SMOX: variants seen among roughly 807,000 people sequenced by gnomAD.
SMOX encodes spermine oxidase, also known as flavin containing amine oxidase.
A neutral mutation model predicts 51.0 loss-of-function variants in SMOX; 22 were observed. That is an observed-to-expected ratio of 0.43 (90% CI 0.31 to 0.62). The LOEUF (loss-of-function observed/expected upper bound fraction) is 0.62, where lower values mean the gene tolerates loss of function less well. Among genes scored for constraint, SMOX ranks in the 20% least tolerant of loss-of-function variants. SMOX has a pLI of 0.10. For missense variants in SMOX, 566 were observed against 777.7 expected (o/e 0.73, Z 3.24); for synonymous variants, 282 against 307.8 (o/e 0.92, Z 0.88).
intron 6 of SMOX, chr20:4,186,675 G>C: frequency 5.2e-6 from 4 of 764,226 alleles, no homozygotes; most frequent in Non-Finnish European, 7.3e-6. Flanking sequence ...GGCGCCTTGT[G>C]CAAACACCCA....
At position 4,183,247 on chromosome 20, in the gene SMOX, A is replaced by G. The variant is rs915925822; in HGVS notation, c.1370-247A>G. 52 of 595,762 alleles carry G rather than the reference A, an allele frequency of 8.7e-5. No homozygotes were observed. The highest frequency in any genetic ancestry group is 1.4e-4 in the Non-Finnish European group (48 of 337,942). The allele number at this position is 595,762 out of a possible 1,614,324, so 36.9% of individuals were successfully genotyped here. ...AGGCGGGGAAACATGATTATGTGTC[A>G]TGTGTTTTCAGATAGATAGGAAAAG... On this transcript the variant is annotated intron_variant, in intron 5 of 6. Transcript: ENST00000305958. The surrounding 1 kb of genome is among the most constrained non-coding windows in gnomAD (Gnocchi z 4.3).
intron 1 of SMOX, among the ~76,000 whole-genome samples, chr20:4,163,308 C>T (rs1281142354): frequency 6.6e-6 from 1 of 152,144 alleles, no homozygotes; most frequent in Non-Finnish European, 1.5e-5. Flanking sequence ...GTCTAATGTA[C>T]TGGTTGGGAG....
chr20:4,183,379 G>T lies in SMOX; in HGVS notation c.1370-115G>T. The T allele has an allele frequency of 6.7e-7, 1 of 1,498,216 alleles. No individual in the cohort carries two copies. Among genetic ancestry groups the T allele is most frequent in the East Asian group, 2.3e-5 (1 of 44,268 alleles). 92.8% of individuals were successfully genotyped at this position (1,498,216 alleles called of 1,614,324 possible). Reference sequence around the variant, plus strand: ...CTATCCTCCGTGCCTACCCCTGGCAGTCTGGTCCTCCCGGAGCCCTGGAGG... The same window carrying T: ...CTATCCTCCGTGCCTACCCCTGGCATTCTGGTCCTCCCGGAGCCCTGGAGG... On this transcript the variant is annotated intron_variant, in intron 5 of 6. Transcript: ENST00000305958. This position sits in a 1 kb window ranked among gnomAD's most constrained non-coding sequence, Gnocchi z 4.3.
rs1978946655 is a variant in SMOX, at chr20:4,177,397, T to C, written c.255T>C (p.His85=). The change falls in exon 3 of 7, where the codon CAT becomes CAC. Residue 85 remains histidine (H), a synonymous_variant. Transcript: ENST00000305958. This position sits in a 1 kb window ranked among gnomAD's most constrained non-coding sequence, Gnocchi z 4.3. ...ELGATWIHGS[H]GNPIYHLAEA... ...GAGCCACCTGGATCCATGGCTCCCATGGGAACCCTATCTATCATCTAGCAG... is the reference window on the plus strand; with the variant it reads ...GAGCCACCTGGATCCATGGCTCCCACGGGAACCCTATCTATCATCTAGCAG... 3.9e-6 allele frequency: 6 copies of C among 1,555,678 alleles called. No homozygotes were observed. Among genetic ancestry groups the C allele is most frequent in the Non-Finnish European group, 5.2e-6 (6 of 1,148,936 alleles).
rs912776055 is a variant in SMOX, at chr20:4,182,167, G to A, written c.688G>A (p.Gly230Ser). Residue 230 changes from glycine to serine, a missense_variant, in exon 5 of 7, where the codon GGC becomes AGC. Gly to Ser is a moderately conservative substitution (Grantham distance 56). Transcript: ENST00000305958. This position sits in a 1 kb window ranked among gnomAD's most constrained non-coding sequence, Gnocchi z 8.4. ...CTTCGGGGAGTGGACCGAGATCCCC[G>A]GCGCTCACCACATCATCCCCTCGGG... The part of the protein sequence containing the change: ...SAFGEWTEIP[G>S]AHHIIPSGFM... 6 of 1,613,080 alleles carry A rather than the reference G, an allele frequency of 3.7e-6. No homozygotes were observed. Among genetic ancestry groups the A allele is most frequent in the Non-Finnish European group, 5.1e-6 (6 of 1,179,914 alleles).
At chr20:4,180,327 A>G (rs1979228436) in intron 3 of SMOX, among the ~76,000 whole-genome samples, 1 of 152,224 alleles carries the variant, frequency 6.6e-6, no homozygotes, top group African/African-American at 2.4e-5. Flanking sequence ...GGTGGTGGAC[A>G]TCACTGTGCT....
chr20:4,187,455 C>A lies in SMOX; in HGVS notation c.*48C>A. ...GAGCCACTAACTCGTGACCTCCAGC[C>A]TGCCCCTTGCTGCCGTGTGCTCCTG... On this transcript the variant is annotated 3_prime_UTR_variant, in exon 7 of 7. Transcript: ENST00000305958. This position sits in a 1 kb window ranked among gnomAD's most constrained non-coding sequence, Gnocchi z 4.8. The A allele has an allele frequency of 2.5e-6, 4 of 1,593,038 alleles. No homozygotes were observed. Among genetic ancestry groups the A allele is most frequent in the Non-Finnish European group, 3.4e-6 (4 of 1,167,428 alleles).
chr20:4,180,161 T>C lies in SMOX; in HGVS notation c.436-1642T>C, dbSNP rs146312575. 4.1e-4 allele frequency among the ~76,000 whole-genome samples: 62 copies of C among 152,344 alleles called. 1 individual carries two copies. The East Asian group carries it at 7.3e-3, about 18-fold the overall frequency. ...TGAAGAATTTGCTGAGGACTCCAGC[T>C]AAGGCTCACCACTCAGCATCTCCTG... On this transcript the variant is annotated intron_variant, in intron 3 of 6. Coordinates refer to ENST00000305958, the MANE Select transcript of SMOX (RefSeq NM_175839.3).
At chr20:4,152,426 T>G (rs1328675905) in intron 1 of SMOX, among the ~76,000 whole-genome samples, 4 of 152,026 alleles carry the variant, frequency 2.6e-5, no homozygotes, top group Non-Finnish European at 4.4e-5. Context: ...AGTTGAGTGT[T>G]AAATTGTGTG....
rs201564069 is a variant in SMOX, at chr20:4,182,784, C to T, written c.1305C>T (p.Val435=). 1.5e-5 allele frequency: 25 copies of T among 1,613,620 alleles called. No homozygotes were observed. Among genetic ancestry groups the T allele is most frequent in the Non-Finnish European group, 2.0e-5 (24 of 1,180,016 alleles). Residue 435 remains valine, a synonymous_variant, in exon 5 of 7, where the codon GTC becomes GTT. Transcript: ENST00000305958. This position sits in a 1 kb window ranked among gnomAD's most constrained non-coding sequence, Gnocchi z 8.4. ...GGATCTGCGGGGAGGAGGCCCTCGT[C>T]ATGGAGAAGTGTGATGACGAGGCAG... ...SGWICGEEAL[V]MEKCDDEAVA...
At position 4,182,781 on chromosome 20, in the gene SMOX, C is replaced by T. The variant is rs1356733566; in HGVS notation, c.1302C>T (p.Leu434=). The change falls in exon 5 of 7, where the codon CTC becomes CTT. Residue 434 remains leucine, a synonymous_variant. Coordinates refer to ENST00000305958, the MANE Select transcript of SMOX (RefSeq NM_175839.3). The surrounding 1 kb of genome is among the most constrained non-coding windows in gnomAD (Gnocchi z 8.4). The stretch of plus-strand genomic sequence containing the variant: ...GCTGGATCTGCGGGGAGGAGGCCCT[C>T]GTCATGGAGAAGTGTGATGACGAGG... ...LSGWICGEEA[L]VMEKCDDEAV... The T allele has an allele frequency of 3.7e-6, 6 of 1,613,578 alleles. No individual in the cohort carries two copies. The highest frequency in any genetic ancestry group is 1.7e-5 in the Admixed American group (1 of 59,986).
At chr20:4,178,306 G>A (rs1450944285) in intron 3 of SMOX, among the ~76,000 whole-genome samples, 1 of 152,246 alleles carries the variant, frequency 6.6e-6, no homozygotes, top group African/African-American at 2.4e-5. Context: ...CAAAGTGCTG[G>A]GATTATAGGC....
In SMOX at chr20:4,187,010, A is replaced by G. The variant is rs1979787766; in HGVS notation, c.1531-260A>G. On this transcript the variant is annotated intron_variant, in intron 6 of 6. Transcript: ENST00000305958. The surrounding 1 kb of genome is among the most constrained non-coding windows in gnomAD (Gnocchi z 4.8). ...TTAAACCACCTGCCTCAAGTTGACA[A>G]GTAAGAGGCACAAAGAGCCTTTGAG... Among the ~76,000 whole-genome samples, 1 of 152,236 alleles carries G rather than the reference A, an allele frequency of 6.6e-6. No individual in the cohort carries two copies. The highest frequency in any genetic ancestry group is 1.5e-5 in the Non-Finnish European group (1 of 68,044).
chr20:4,151,628 C>T (rs1169941619), intron 1 of SMOX, among the ~76,000 whole-genome samples: 3 of 152,156 alleles, frequency 2.0e-5, no homozygotes, highest in African/African-American at 4.8e-5. Flanking sequence ...TTTTCCAGTG[C>T]CCTTTACTGG....
Position 4,153,083 on chromosome 20 carries a change from G to A in SMOX, c.-27+4106G>A, listed in dbSNP as rs947345525. Among the ~76,000 whole-genome samples, 3 of 152,158 alleles carry A rather than the reference G, an allele frequency of 2.0e-5. No individual in the cohort carries two copies. The highest frequency in any genetic ancestry group is 7.2e-5 in the African/African-American group (3 of 41,430). On this transcript the variant is annotated intron_variant, in intron 1 of 6. Transcript: ENST00000305958. The surrounding 1 kb of genome is among the most constrained non-coding windows in gnomAD (Gnocchi z 4.4). ...AGGGGCTGGGGAGGTGGGAAAGAAG[G>A]TAGAAGGGGTCCTCGCTTGGAGTGG... is the stretch of plus-strand genomic sequence containing the variant.
chr20:4,150,895 G>T (rs1340819797), intron 1 of SMOX, among the ~76,000 whole-genome samples: 1 of 139,980 alleles, frequency 7.1e-6, no homozygotes, highest in Non-Finnish European at 1.5e-5. Flanking sequence ...GCAATGACGT[G>T]ATCTTGGCTC....
intron 1 of SMOX, among the ~76,000 whole-genome samples, chr20:4,156,384 TAGA>T (rs1334912382): frequency 1.3e-5 from 2 of 152,254 alleles, no homozygotes; most frequent in Admixed American, 1.3e-4. Flanking sequence ...GGACAATCAG[TAGA>T]AGAAGAGGGC....
Position 4,181,832 on chromosome 20 carries a change from G to T in SMOX, c.465G>T (p.Arg155=), listed in dbSNP as rs779043460. The T allele has an allele frequency of 6.2e-7, 1 of 1,614,080 alleles. No homozygotes were observed. The highest frequency in any genetic ancestry group is 1.1e-5 in the South Asian group (1 of 91,078). The change falls in exon 4 of 7, where the codon CGG becomes CGT. Residue 155 remains arginine (R), a synonymous_variant. Transcript: ENST00000305958. The surrounding 1 kb of genome is among the most constrained non-coding windows in gnomAD (Gnocchi z 5.6). ...EVYNLTQEFF[R]HDKPVNAESQ... ...ATAACTTGACCCAGGAGTTCTTCCG[G>T]CACGATAAACCAGTCAATGCTGAAA... is the stretch of plus-strand genomic sequence containing the variant.
intron 1 of SMOX, among the ~76,000 whole-genome samples, chr20:4,168,077 C>T (rs1002369888): frequency 3.3e-5 from 5 of 150,922 alleles, no homozygotes; most frequent in Admixed American, 2.6e-4. Context: ...GCTTCCCTCC[C>T]ACTCCCTCTC....
Sources: allele counts gnomAD v4.1 joint callset (sites outside exome capture counted in the v4.1 genomes callset), GRCh38; gene constraint gnomAD v4.1.1; non-coding constraint Gnocchi (gnomAD v3.1); transcripts MANE v1.5; gene names NCBI Gene and HGNC (gene_info 2026-07-23, HGNC 2026-07-21).